The following RASGRF2 variants were observed in gnomAD, a reference collection of about 807,000 sequenced individuals.
RASGRF2 encodes Ras protein specific guanine nucleotide releasing factor 2.
RASGRF2 carries 76 observed loss-of-function variants against 151.0 expected under a neutral mutation model. That is an observed-to-expected ratio of 0.50 (90% CI 0.42 to 0.61). The LOEUF (loss-of-function observed/expected upper bound fraction) is 0.61, where lower values mean the gene tolerates loss of function less well. RASGRF2 is among the 20% of genes least tolerant of loss of function. RASGRF2 has a pLI of 0.00. For synonymous variants in RASGRF2, 504 were observed against 566.5 expected, an observed-to-expected ratio of 0.89 and a Z score of 1.57; for missense variants, 1,148 against 1,564.6, an observed-to-expected ratio of 0.73 and a Z score of 4.49.
chr5:81,012,839 T>G (rs1267071728), intron 1 of RASGRF2, among the ~76,000 whole-genome samples: 1 of 152,054 alleles, frequency 6.6e-6, no homozygotes, highest in East Asian at 1.9e-4. Context: ...AATATGGCCT[T>G]GAAAGACTGT....
chr5:81,080,438 C>T (rs1752053784), intron 6 of RASGRF2, among the ~76,000 whole-genome samples, 158 bp from the exon 7 acceptor site: 1 of 152,128 alleles, frequency 6.6e-6, no homozygotes, highest in Non-Finnish European at 1.5e-5. Flanking sequence ...AAGTGCTGCC[C>T]ATGAGTGCAT....
At chr5:80,965,271 T>A (rs1747688496) in intron 1 of RASGRF2, among the ~76,000 whole-genome samples, 2 of 152,124 alleles carry the variant, frequency 1.3e-5, no homozygotes, top group South Asian at 4.1e-4. Flanking sequence ...ATTTTCATAC[T>A]ACTTCACGTT....
rs150289823 is a variant in RASGRF2 at position 80,990,955 on chromosome 5, G to T, written c.288+29929G>T. On this transcript the variant is annotated intron_variant, in intron 1 of 26. Coordinates refer to ENST00000265080, the MANE Select transcript of RASGRF2 (RefSeq NM_006909.3). ...ATAGGAGTTTGTCAATTAGACTAGA[G>T]CAGGAAAGTTATTTACCTTGAGAAA... Among the ~76,000 whole-genome samples, 251 of 152,270 alleles carry T rather than the reference G, an allele frequency of 1.6e-3. 2 individuals are homozygous for T. The highest frequency in any genetic ancestry group is 0.01 in the Middle Eastern group (3 of 294).
intron 1 of RASGRF2, among the ~76,000 whole-genome samples, chr5:81,042,355 CAG>C (rs1449112554): frequency 6.6e-6 from 1 of 152,114 alleles, no homozygotes; most frequent in Non-Finnish European, 1.5e-5. Context: ...TCTGGGAAAA[CAG>C]GGGTATAAGC....
At chr5:80,998,176 A>C (rs941785260) in intron 1 of RASGRF2, 1 of 152,120 alleles carries the variant, frequency 6.6e-6, no homozygotes, top group African/African-American at 2.4e-5. Flanking sequence ...GGGTGTTCAC[A>C]TGTTGTGTGC....
chr5:81,017,247 T>C (rs1749668704), intron 1 of RASGRF2, among the ~76,000 whole-genome samples: 1 of 152,196 alleles, frequency 6.6e-6, no homozygotes, highest in South Asian at 2.1e-4. Flanking sequence ...TCAAGGCATG[T>C]TGATGTGTGT....
intron 17 of RASGRF2, among the ~76,000 whole-genome samples, chr5:81,157,543 T>C (rs1324504906): frequency 6.6e-6 from 1 of 152,182 alleles, no homozygotes; most frequent in African/African-American, 2.4e-5. Context: ...GCACAATTCC[T>C]ATGAAAATAC....
intron 17 of RASGRF2, among the ~76,000 whole-genome samples, chr5:81,171,815 A>G (rs943385971): frequency 6.6e-6 from 1 of 152,174 alleles, no homozygotes; most frequent in Non-Finnish European, 1.5e-5. Context: ...GAAGTCTTTA[A>G]ACTGGCTCAC....
intron 4 of RASGRF2, 117 bp from the exon 5 acceptor site, chr5:81,073,082 T>C: frequency 7.9e-7 from 1 of 1,258,466 alleles, no homozygotes; most frequent in South Asian, 1.5e-5. Context: ...TCCTTATCAA[T>C]TTTAGAGGTT....
intron 17 of RASGRF2, among the ~76,000 whole-genome samples, chr5:81,175,662 A>G (rs1754757495): frequency 6.6e-6 from 1 of 150,992 alleles, no homozygotes; most frequent in Admixed American, 6.6e-5. Context: ...AGGCTGAGGC[A>G]GGAGAATCAC....
intron 19 of RASGRF2, among the ~76,000 whole-genome samples, chr5:81,205,346 C>T (rs1409830416): frequency 2.0e-5 from 3 of 152,170 alleles, no homozygotes; most frequent in Non-Finnish European, 2.9e-5. Flanking sequence ...AGGAAGGGCC[C>T]ACAACCCTGA....
chr5:81,086,545 G>A lies in RASGRF2; in HGVS notation c.1272-290G>A, dbSNP rs75666009. ...GAAATGGCCCCCTAATCTCAATGAC[G>A]GGAACTGGCCACAAAATGACATGTT... On this transcript the variant is annotated intron_variant, in intron 8 of 26. Transcript: ENST00000265080. Among the ~76,000 whole-genome samples, 674 of 152,216 alleles carry A rather than the reference G, an allele frequency of 4.4e-3. 9 individuals are homozygous for A. The highest frequency in any genetic ancestry group is 0.015 in the African/African-American group (625 of 41,514).
At chr5:81,005,595 A>T (rs988509634) in intron 1 of RASGRF2, among the ~76,000 whole-genome samples, 1 of 152,242 alleles carries the variant, frequency 6.6e-6, no homozygotes, top group African/African-American at 2.4e-5. Flanking sequence ...GGAGAAAAAA[A>T]ATCCCATTGT....
At chr5:81,154,091 T>A (rs904700999) in intron 17 of RASGRF2, among the ~76,000 whole-genome samples, 3 of 152,200 alleles carry the variant, frequency 2.0e-5, no homozygotes, top group South Asian at 4.1e-4. Flanking sequence ...AAAGGACAAA[T>A]AGACATTTCA....
intron 12 of RASGRF2, among the ~76,000 whole-genome samples, chr5:81,099,907 CTTTTTTTTTT>C (rs577876645): frequency 8.0e-6 from 1 of 125,038 alleles, no homozygotes; most frequent in Non-Finnish European, 1.6e-5. Context: ...TTTCTTTTTT[CTTTTTTTTTT>C]TTTTTTTTGA....
At chr5:81,176,284 G>A (rs1435331405) in intron 17 of RASGRF2, among the ~76,000 whole-genome samples, 4 of 152,180 alleles carry the variant, frequency 2.6e-5, no homozygotes, top group Non-Finnish European at 5.9e-5. Flanking sequence ...CAGTAATCAT[G>A]TGGAAGCCAT....
intron 17 of RASGRF2, among the ~76,000 whole-genome samples, chr5:81,143,239 C>T (rs1346486004): frequency 6.6e-6 from 1 of 152,024 alleles, no homozygotes; most frequent in Non-Finnish European, 1.5e-5. Context: ...GCCTCTGCCT[C>T]CTGAGTCAGG....
intron 17 of RASGRF2, among the ~76,000 whole-genome samples, chr5:81,173,214 TA>T (rs1754697737): frequency 1.3e-5 from 2 of 151,906 alleles, no homozygotes; most frequent in Admixed American, 1.3e-4. Flanking sequence ...CCATCTCTAC[TA>T]AAAATACAAA....
intron 1 of RASGRF2, among the ~76,000 whole-genome samples, chr5:80,981,514 C>CGT (rs746647844): frequency 9.3e-5 from 14 of 150,994 alleles, no homozygotes; most frequent in African/African-American, 1.9e-4. Context: ...TGTGTGAGTA[C>CGT]GTGTGTGTGT....
Sources: allele counts gnomAD v4.1 joint callset (sites outside exome capture counted in the v4.1 genomes callset), GRCh38; gene constraint gnomAD v4.1.1; transcripts MANE v1.5; gene names NCBI Gene and HGNC (gene_info 2026-07-23, HGNC 2026-07-21).